WWOX: variants seen among roughly 807,000 people sequenced by gnomAD.
The protein encoded by WWOX is WW domain containing oxidoreductase.
In WWOX, 69 loss-of-function variants were observed where a neutral mutation model predicts 46.2. That is an observed-to-expected ratio of 1.49 (90% CI 1.23 to 1.82). The LOEUF (loss-of-function observed/expected upper bound fraction) is 1.82. Ranked by LOEUF, WWOX falls within the 40% of genes most tolerant of loss-of-function variation. The pLI is 0.00. For synonymous variants in WWOX, 359 were observed against 202.6 expected, an observed-to-expected ratio of 1.77 and a Z score of -6.56; for missense variants, 919 against 542.6, an observed-to-expected ratio of 1.69 and a Z score of -6.89.
intron 8 of WWOX, among the ~76,000 whole-genome samples, chr16:79,168,549 T>C (rs536256738): frequency 6.6e-6 from 1 of 152,234 alleles, no homozygotes; most frequent in African/African-American, 2.4e-5. Flanking sequence ...TGCCCACACC[T>C]CTGAAGCTCC....
At chr16:78,709,299 T>C (rs1465962978) in intron 8 of WWOX, among the ~76,000 whole-genome samples, 3 of 152,146 alleles carry the variant, frequency 2.0e-5, no homozygotes, top group African/African-American at 7.2e-5. Context: ...GAAAACAAGA[T>C]TAACTCATTT....
At chr16:79,086,743 C>T (rs1292775970) in intron 8 of WWOX, among the ~76,000 whole-genome samples, 1 of 152,154 alleles carries the variant, frequency 6.6e-6, no homozygotes, top group Non-Finnish European at 1.5e-5. Context: ...ATTAGCCAGG[C>T]ATGGTGCTGC....
At chr16:78,380,143 C>G (rs965800453) in intron 5 of WWOX, among the ~76,000 whole-genome samples, 1 of 152,140 alleles carries the variant, frequency 6.6e-6, no homozygotes, top group African/African-American at 2.4e-5. Flanking sequence ...TTACCAAGAG[C>G]AGGACAGCAT....
chr16:78,603,813 C>G (rs1332653478), intron 8 of WWOX, among the ~76,000 whole-genome samples: 1 of 152,164 alleles, frequency 6.6e-6, no homozygotes, highest in Non-Finnish European at 1.5e-5. Context: ...TGACTGACCA[C>G]TCTCCATCTG....
At chr16:78,764,916 A>T (rs2049892221) in intron 8 of WWOX, among the ~76,000 whole-genome samples, 1 of 152,252 alleles carries the variant, frequency 6.6e-6, no homozygotes, top group Admixed American at 6.5e-5. Context: ...CAAGTGTTGA[A>T]TTATCTGCAT....
chr16:78,486,614 G>A (rs546631848), intron 8 of WWOX, among the ~76,000 whole-genome samples: 32 of 143,310 alleles, frequency 2.2e-4, no homozygotes, highest in African/African-American at 8.3e-4. Context: ...TCACTCTGTC[G>A]CCCAGGCTGG....
chr16:78,596,733 T>A (rs1017886928), intron 8 of WWOX, among the ~76,000 whole-genome samples: 4 of 152,156 alleles, frequency 2.6e-5, no homozygotes, highest in Non-Finnish European at 2.9e-5. Flanking sequence ...AGCGAAGCCC[T>A]TTCATTAAGT....
At chr16:79,027,672 C>T (rs1364102549) in intron 8 of WWOX, among the ~76,000 whole-genome samples, 1 of 151,884 alleles carries the variant, frequency 6.6e-6, no homozygotes, top group African/African-American at 2.4e-5. Flanking sequence ...AAAGGTGGAA[C>T]ACCTTGGAGA....
chr16:78,358,072 C>A (rs146816800), intron 5 of WWOX, among the ~76,000 whole-genome samples: 2 of 152,202 alleles, frequency 1.3e-5, no homozygotes, highest in African/African-American at 2.4e-5. Flanking sequence ...TTTCTGCATA[C>A]ACTTGGAACT....
intron 8 of WWOX, among the ~76,000 whole-genome samples, chr16:78,486,354 C>A (rs906077187): frequency 2.6e-5 from 4 of 152,168 alleles, no homozygotes; most frequent in African/African-American, 9.7e-5. Context: ...GTCACATCTA[C>A]TAAGATTATT....
At chr16:78,116,414 A>G (rs1337287235) in intron 4 of WWOX, among the ~76,000 whole-genome samples, 2 of 152,240 alleles carry the variant, frequency 1.3e-5, no homozygotes, top group African/African-American at 4.8e-5. Context: ...GAAATCTACC[A>G]GGTTGCCATC....
At chr16:78,717,713 C>G (rs1474412968) in intron 8 of WWOX, among the ~76,000 whole-genome samples, 2 of 152,184 alleles carry the variant, frequency 1.3e-5, no homozygotes, top group African/African-American at 4.8e-5. Context: ...TTCTTTGATA[C>G]TCCAATGCCG....
At chr16:78,216,103 G>C (rs1238062493) in intron 5 of WWOX, among the ~76,000 whole-genome samples, 2 of 152,140 alleles carry the variant, frequency 1.3e-5, no homozygotes, top group African/African-American at 4.8e-5. Flanking sequence ...GCCTGTCTCA[G>C]CATGGGCCCT....
intron 8 of WWOX, chr16:79,101,411 A>G (rs2049190239): frequency 6.6e-6 from 1 of 152,210 alleles, no homozygotes; most frequent in African/African-American, 2.4e-5. Flanking sequence ...CCAAATTTAC[A>G]AATAGATGAA....
intron 8 of WWOX, among the ~76,000 whole-genome samples, chr16:79,201,349 T>C (rs199578373): frequency 0.49 from 73,349 of 149,150 alleles, 20,099 homozygotes; most frequent in Non-Finnish European, 0.64. Flanking sequence ...TTTTCTTTTT[T>C]TTTTTTTTTT....
At chr16:78,838,725 C>T (rs967228777) in intron 8 of WWOX, among the ~76,000 whole-genome samples, 1 of 152,130 alleles carries the variant, frequency 6.6e-6, no homozygotes, top group Non-Finnish European at 1.5e-5. Flanking sequence ...CACCTGTAAT[C>T]CCAGCAACTC....
chr16:78,490,417 G>C (rs2084751533), intron 8 of WWOX, among the ~76,000 whole-genome samples: 1 of 152,078 alleles, frequency 6.6e-6, no homozygotes, highest in Non-Finnish European at 1.5e-5. Flanking sequence ...CATTGATTTG[G>C]ACTCCTTTGG....
At chr16:78,887,067 GTGTGTGTGT>G (rs2044474730) in intron 8 of WWOX, among the ~76,000 whole-genome samples, 1 of 42,386 alleles carries the variant, frequency 2.4e-5, no homozygotes. Flanking sequence ...GGCTATATGT[GTGTGTGTGT>G]GGTGTGTGTG....
chr16:78,645,181 T>C (rs981528996), intron 8 of WWOX, among the ~76,000 whole-genome samples: 3 of 152,192 alleles, frequency 2.0e-5, no homozygotes, highest in Non-Finnish European at 4.4e-5. Flanking sequence ...GTTTTTTCCA[T>C]GTACTGGTTT....
Sources: allele counts gnomAD v4.1 joint callset (sites outside exome capture counted in the v4.1 genomes callset), GRCh38; gene constraint gnomAD v4.1.1; transcripts MANE v1.5; gene names NCBI Gene and HGNC (gene_info 2026-07-23, HGNC 2026-07-21).